Variants in ABCA12 observed in about 807,000 individuals in gnomAD.
ABCA12 encodes ATP binding cassette subfamily A member 12, also known as glucosylceramide transporter ABCA12.
A neutral mutation model predicts 293.5 loss-of-function variants in ABCA12; 156 were observed. The ratio of observed to expected loss-of-function variants is 0.53; its 90% CI spans 0.47 to 0.61. The LOEUF (loss-of-function observed/expected upper bound fraction) is 0.61. Ranked by LOEUF, ABCA12 falls within the 20% of genes least tolerant of loss-of-function variation. The pLI, the probability that ABCA12 is intolerant of heterozygous loss-of-function variation, is 0.00. For missense variants in ABCA12, 2,797 were observed against 3,090.2 expected, an observed-to-expected ratio of 0.91 and a Z score of 2.25; for synonymous variants, 1,063 against 1,108.0, an observed-to-expected ratio of 0.96 and a Z score of 0.81.
chr2:214,932,607 ACG>A lies in ABCA12; in HGVS notation c.*25_*26del. 1 of 1,523,574 alleles carries A rather than the reference ACG, an allele frequency of 6.6e-7. No individual in the cohort carries two copies. Among genetic ancestry groups the A allele is most frequent in the South Asian group, 1.1e-5 (1 of 89,184 alleles). The allele number at this position is 1,523,574 out of a possible 1,614,324, so 94.4% of individuals were successfully genotyped here. On this transcript the variant is annotated 3_prime_UTR_variant, in exon 53 of 53. Coordinates refer to ENST00000272895, the MANE Select transcript of ABCA12 (RefSeq NM_173076.3). ...TCTTCAAAATGAAGCCATTGGTCACACGCTGAGATTGAGTTTGCTGGAAGTGT... is the reference window on the plus strand; with the variant it reads ...TCTTCAAAATGAAGCCATTGGTCACACTGAGATTGAGTTTGCTGGAAGTGT...
At chr2:215,103,500 C>G (rs1277097959) in intron 2 of ABCA12, among the ~76,000 whole-genome samples, 1 of 151,920 alleles carries the variant, frequency 6.6e-6, no homozygotes, top group African/African-American at 2.4e-5. Flanking sequence ...GAACTCCTGA[C>G]CTCAGGTGAT....
chr2:215,019,703 C>A lies in ABCA12; in HGVS notation c.1381G>T (p.Gly461Trp). 1 of 1,614,138 alleles carries A rather than the reference C, an allele frequency of 6.2e-7. No homozygotes were observed. Among genetic ancestry groups the A allele is most frequent in the Non-Finnish European group, 8.5e-7 (1 of 1,180,030 alleles). ...AACTCACTTTCTTCACACAGGCTCC[C>A]AAAGCTCATATCAGAGAGCTGGCAT... The part of the protein sequence containing the change: ...KSCQLSDMSF[G>W]SLCEESEFDL... The change falls in exon 12 of 53, where the codon GGG becomes TGG. Residue 461 changes from glycine to tryptophan, a missense_variant. Gly to Trp is a radical substitution (Grantham distance 184). Coordinates refer to ENST00000272895, the MANE Select transcript of ABCA12 (RefSeq NM_173076.3).
At chr2:215,125,988 T>C (rs1559208859) in intron 1 of ABCA12, among the ~76,000 whole-genome samples, 1 of 152,094 alleles carries the variant, frequency 6.6e-6, no homozygotes, top group Non-Finnish European at 1.5e-5. Flanking sequence ...GATTTTGCCA[T>C]GAGTTTTCAT....
intron 15 of ABCA12, chr2:215,013,303 C>T (rs1700415543): frequency 6.6e-6 from 1 of 152,188 alleles, no homozygotes; most frequent in African/African-American, 2.4e-5. Context: ...ATTGGAAGAA[C>T]AAGAAGAGGA....
chr2:214,938,485 T>C lies in ABCA12; in HGVS notation c.7437-870A>G, dbSNP rs148800117. On this transcript the variant is annotated intron_variant, in intron 50 of 52. Coordinates refer to ENST00000272895, the MANE Select transcript of ABCA12 (RefSeq NM_173076.3). The stretch of plus-strand genomic sequence containing the variant: ...AATCCTTTGGGGACATACCCAGTAA[T>C]GGGATTGCTGGGTCAAATGGTATTT... 6.7e-3 allele frequency among the ~76,000 whole-genome samples: 1,026 copies of C among 152,290 alleles called. 15 individuals are homozygous for C. Among genetic ancestry groups the C allele is most frequent in the African/African-American group, 0.023 (964 of 41,562 alleles).
At chr2:215,002,746 T>G (rs1700171163) in intron 20 of ABCA12, among the ~76,000 whole-genome samples, 1 of 152,178 alleles carries the variant, frequency 6.6e-6, no homozygotes, top group African/African-American at 2.4e-5. Context: ...AGGAATTATT[T>G]AGAAATTCTG....
chr2:215,088,134 G>T (rs1388013164), intron 2 of ABCA12, among the ~76,000 whole-genome samples: 1 of 152,206 alleles, frequency 6.6e-6, no homozygotes, highest in Admixed American at 6.5e-5. Context: ...GTAATTTTGA[G>T]TTAGAAGAAT....
chr2:215,115,651 T>A lies in ABCA12; in HGVS notation c.70-3961A>T, dbSNP rs74592934. 4.4e-3 allele frequency among the ~76,000 whole-genome samples: 670 copies of A among 152,342 alleles called. 6 individuals are homozygous for A. Among genetic ancestry groups the A allele is most frequent in the African/African-American group, 0.015 (639 of 41,590 alleles). ...TGCACACTAAATAGTTTATGATTCCTTAGTGGGCCAGGGCATTCGTGTCCT... is the reference window on the plus strand; with the variant it reads ...TGCACACTAAATAGTTTATGATTCCATAGTGGGCCAGGGCATTCGTGTCCT... On this transcript the variant is annotated intron_variant, in intron 1 of 52. Transcript: ENST00000272895.
chr2:215,032,862 A>G (rs184150435), intron 8 of ABCA12, among the ~76,000 whole-genome samples: 1 of 152,274 alleles, frequency 6.6e-6, no homozygotes, highest in East Asian at 1.9e-4. Context: ...TATTGTCTCT[A>G]GTTAGTGCAA....
Position 215,034,049 on chromosome 2 carries a change from A to C in ABCA12, c.986-2153T>G, listed in dbSNP as rs1387209478. 2.0e-5 allele frequency among the ~76,000 whole-genome samples: 3 copies of C among 152,334 alleles called. No individual in the cohort carries two copies. The East Asian group carries it at 5.8e-4, about 29-fold the overall frequency. ...TATGGTGCATAGATAACCTCTTTTTATCAGTAAGGATTTCTATCCTAAATT... is the reference window on the plus strand; with the variant it reads ...TATGGTGCATAGATAACCTCTTTTTCTCAGTAAGGATTTCTATCCTAAATT... On this transcript the variant is annotated intron_variant, in intron 8 of 52. Transcript: ENST00000272895.
In ABCA12 at chr2:215,137,603, A is replaced by G. The variant is rs114005976; in HGVS notation, c.69+537T>C. Reference sequence around the variant, plus strand: ...TTCTTAAAACATAGCACATATACATACTCTTGTTTGGTATTCCCAGTAAAT... The same window carrying G: ...TTCTTAAAACATAGCACATATACATGCTCTTGTTTGGTATTCCCAGTAAAT... On this transcript the variant is annotated intron_variant, in intron 1 of 52. Transcript: ENST00000272895. Among the ~76,000 whole-genome samples the G allele has an allele frequency of 7.3e-3, 1,114 of 152,200 alleles. 13 individuals carry two copies. The highest frequency in any genetic ancestry group is 0.025 in the African/African-American group (1,049 of 41,524).
At chr2:214,979,179 A>G in intron 31 of ABCA12, 139 bp from the exon 32 acceptor site, 1 of 775,270 alleles carries the variant, frequency 1.3e-6, no homozygotes, top group Non-Finnish European at 2.2e-6. Flanking sequence ...TGCTCTAGAG[A>G]CCCCTTTGCC....
Position 215,109,167 on chromosome 2 carries a change from A to G in ABCA12, c.163+2430T>C, listed in dbSNP as rs555988610. Reference sequence around the variant, plus strand: ...CTCTGATTACAAAATTACATTTTATATTCTATTGATTATAGAATGTATTGA... The same window carrying G: ...CTCTGATTACAAAATTACATTTTATGTTCTATTGATTATAGAATGTATTGA... On this transcript the variant is annotated intron_variant, in intron 2 of 52. Coordinates refer to ENST00000272895, the MANE Select transcript of ABCA12 (RefSeq NM_173076.3). Among the ~76,000 whole-genome samples the G allele has an allele frequency of 3.3e-5, 5 of 152,164 alleles. No individual in the cohort carries two copies. The East Asian group carries it at 9.6e-4, about 29-fold the overall frequency.
chr2:215,068,599 C>T lies in ABCA12; in HGVS notation c.164-4380G>A, dbSNP rs567734696. The stretch of plus-strand genomic sequence containing the variant: ...TCTCCCCCATCCTTCTTTTCCTCTT[C>T]CCTCATTGCATCTAATCGACTTAAT... On this transcript the variant is annotated intron_variant, in intron 2 of 52. Coordinates refer to ENST00000272895, the MANE Select transcript of ABCA12 (RefSeq NM_173076.3). 7.0e-4 allele frequency among the ~76,000 whole-genome samples: 106 copies of T among 152,222 alleles called. 1 individual carries two copies. Among genetic ancestry groups the T allele is most frequent in the East Asian group, 1.9e-3 (10 of 5,158 alleles).
intron 11 of ABCA12, chr2:215,021,923 C>G (rs1279602398): frequency 1.3e-5 from 2 of 152,118 alleles, no homozygotes; most frequent in Non-Finnish European, 2.9e-5. Flanking sequence ...ATTCTACTTA[C>G]TAGTGTTATT....
In ABCA12 at chr2:215,001,018, C is replaced by T. The variant is rs371260673; in HGVS notation, c.2866G>A (p.Val956Ile). 10 of 1,613,734 alleles carry T rather than the reference C, an allele frequency of 6.2e-6. 1 individual carries two copies. In the African/African-American group the frequency reaches 1.1e-4, roughly 17 times the overall value. ...LYKSNELFGS[V>I]IFKLPSNRSW... is the part of the protein sequence containing the mutation. ...CTGTTAGAAGGAAGCTTAAAAATAA[C>T]ACCTAAAAATAAAATGGCAACAACA... Residue 956 changes from valine (V) to isoleucine (I), a missense_variant and splice_region_variant, in exon 22 of 53, where the codon GTT becomes ATT. Val to Ile is a conservative substitution (Grantham distance 29). Transcript: ENST00000272895.
At chr2:215,130,297 T>C (rs1703026105) in intron 1 of ABCA12, among the ~76,000 whole-genome samples, 1 of 152,142 alleles carries the variant, frequency 6.6e-6, no homozygotes, top group South Asian at 2.1e-4. Context: ...ACATTAAGTC[T>C]ATAGATTGCT....
chr2:215,076,103 C>A (rs1196270676), intron 2 of ABCA12, among the ~76,000 whole-genome samples: 1 of 152,198 alleles, frequency 6.6e-6, no homozygotes, highest in Non-Finnish European at 1.5e-5. Context: ...AGCAGCACTG[C>A]TGACAGGTAG....
intron 7 of ABCA12, chr2:215,044,331 C>A (rs1349851523): frequency 6.6e-6 from 1 of 152,136 alleles, no homozygotes; most frequent in Non-Finnish European, 1.5e-5. Context: ...AATTATCCAT[C>A]TTTTAACATT....
Sources: allele counts gnomAD v4.1 joint callset (sites outside exome capture counted in the v4.1 genomes callset), GRCh38; gene constraint gnomAD v4.1.1; transcripts MANE v1.5; gene names NCBI Gene and HGNC (gene_info 2026-07-23, HGNC 2026-07-21).